Variants in NELL1 observed in about 807,000 individuals in gnomAD.
NELL1 encodes the protein neural EGFL like 1, also known as protein kinase C-binding protein NELL1.
Under a neutral mutation model 107.4 loss-of-function variants are expected in NELL1, and 76 were observed. The observed-to-expected ratio is 0.71, with a 90% CI of 0.59 to 0.86. The LOEUF is 0.86. Ranked by LOEUF, NELL1 falls within the 40% of genes least tolerant of loss-of-function variation. The pLI, the probability that NELL1 is intolerant of heterozygous loss-of-function variation, is 0.00. For synonymous variants in NELL1, 353 were observed against 341.2 expected (o/e 1.03, Z -0.38); for missense variants, 1,024 against 1,005.5 (o/e 1.02, Z -0.25).
chr11:21,474,918 A>G (rs1296476782), intron 15 of NELL1, among the ~76,000 whole-genome samples: 1 of 152,052 alleles, frequency 6.6e-6, no homozygotes, highest in African/African-American at 2.4e-5. Context: ...CTTCCTAGTT[A>G]TTTGACCAAG....
At chr11:21,202,223 C>T (rs1425320964) in intron 13 of NELL1, among the ~76,000 whole-genome samples, 1 of 152,150 alleles carries the variant, frequency 6.6e-6, no homozygotes, top group Non-Finnish European at 1.5e-5. Context: ...CTTTGTACCT[C>T]TGGTAGAATT....
intron 15 of NELL1, among the ~76,000 whole-genome samples, chr11:21,446,544 T>A (rs897095056): frequency 6.6e-6 from 1 of 152,210 alleles, no homozygotes; most frequent in Non-Finnish European, 1.5e-5. Context: ...TTTGTCAATG[T>A]AGCCATATCT....
At chr11:21,388,967 ATTTTT>A (rs1191594288) in intron 15 of NELL1, among the ~76,000 whole-genome samples, 1 of 151,722 alleles carries the variant, frequency 6.6e-6, no homozygotes, top group East Asian at 2.0e-4. Flanking sequence ...AGGAAAACTT[ATTTTT>A]AAGTCAAGTA....
intron 14 of NELL1, among the ~76,000 whole-genome samples, chr11:21,355,216 C>A (rs950377180): frequency 4.6e-5 from 7 of 152,184 alleles, no homozygotes; most frequent in Admixed American, 2.0e-4. Context: ...CAGTGCCCAA[C>A]AAGCTCTCAA....
chr11:21,282,835 T>C (rs1849028550), intron 14 of NELL1, among the ~76,000 whole-genome samples: 1 of 152,120 alleles, frequency 6.6e-6, no homozygotes. Context: ...TGGAGTACTA[T>C]TCAGCCATAA....
At chr11:21,018,431 A>G (rs908166410) in intron 12 of NELL1, among the ~76,000 whole-genome samples, 3 of 152,056 alleles carry the variant, frequency 2.0e-5, no homozygotes, top group Non-Finnish European at 4.4e-5. Context: ...GTGGGCACGA[A>G]GAGTGATCTG....
At chr11:21,024,543 T>G (rs1852772563) in intron 12 of NELL1, among the ~76,000 whole-genome samples, 1 of 152,104 alleles carries the variant, frequency 6.6e-6, no homozygotes, top group Non-Finnish European at 1.5e-5. Flanking sequence ...CTTAAAGGAT[T>G]ATTTTGAGGA....
chr11:21,054,376 A>C (rs1430415429), intron 12 of NELL1, among the ~76,000 whole-genome samples: 1 of 152,080 alleles, frequency 6.6e-6, no homozygotes, highest in East Asian at 1.9e-4. Context: ...CTAATGTTTA[A>C]TATTGTTTAA....
At chr11:21,382,123 A>G (rs1851628414) in intron 15 of NELL1, among the ~76,000 whole-genome samples, 1 of 151,724 alleles carries the variant, frequency 6.6e-6, no homozygotes, top group Non-Finnish European at 1.5e-5. Flanking sequence ...AAGAAAGGCA[A>G]ACATTCTAAT....
intron 5 of NELL1, among the ~76,000 whole-genome samples, chr11:20,904,897 T>C (rs1849959951): frequency 6.6e-6 from 1 of 152,014 alleles, no homozygotes; most frequent in Non-Finnish European, 1.5e-5. Flanking sequence ...GATATGATCA[T>C]GGCTCACTGC....
intron 12 of NELL1, among the ~76,000 whole-genome samples, chr11:21,108,794 C>CA (rs1565064415): frequency 6.6e-6 from 1 of 152,098 alleles, no homozygotes; most frequent in East Asian, 1.9e-4. Context: ...GCCAAGGAAG[C>CA]AGTGATGCAC....
chr11:20,861,444 C>A, intron 4 of NELL1, among the ~76,000 whole-genome samples: 1 of 152,172 alleles, frequency 6.6e-6, no homozygotes, highest in Non-Finnish European at 1.5e-5. Flanking sequence ...GCAGTACTCA[C>A]CTGCAAGCCT....
At chr11:20,914,443 T>A (rs116193990) in intron 5 of NELL1, among the ~76,000 whole-genome samples, 1 of 152,110 alleles carries the variant, frequency 6.6e-6, no homozygotes, top group Non-Finnish European at 1.5e-5. Flanking sequence ...TAGTAAAGAA[T>A]GTCTGGGTTC....
chr11:20,966,408 C>G (rs1469961546), intron 12 of NELL1, among the ~76,000 whole-genome samples: 1 of 152,078 alleles, frequency 6.6e-6, no homozygotes, highest in East Asian at 1.9e-4. Flanking sequence ...TTGGAGGGGA[C>G]AAACATTCAA....
intron 15 of NELL1, among the ~76,000 whole-genome samples, chr11:21,443,123 G>T (rs1254918157): frequency 1.3e-5 from 2 of 151,906 alleles, no homozygotes; most frequent in African/African-American, 4.8e-5. Context: ...TCCAGTGAGG[G>T]TTTTCTTGCT....
chr11:21,080,677 T>A (rs1216935137), intron 12 of NELL1, among the ~76,000 whole-genome samples: 1 of 152,128 alleles, frequency 6.6e-6, no homozygotes, highest in Non-Finnish European at 1.5e-5. Context: ...GGTACATGCA[T>A]ATGTTTATCT....
intron 13 of NELL1, among the ~76,000 whole-genome samples, chr11:21,178,707 T>G (rs1479774759): frequency 1.3e-5 from 2 of 150,286 alleles, no homozygotes; most frequent in Non-Finnish European, 2.9e-5. Flanking sequence ...AAGGTTGCAG[T>G]GAGCCGAGAC....
chr11:21,563,422 G>T (rs1476995041), intron 17 of NELL1, among the ~76,000 whole-genome samples: 1 of 151,996 alleles, frequency 6.6e-6, no homozygotes, highest in East Asian at 1.9e-4. Context: ...GTAGAGCTAT[G>T]AACAATTTGC....
At chr11:20,761,548 T>G (rs1355263252) in intron 2 of NELL1, among the ~76,000 whole-genome samples, 1 of 152,238 alleles carries the variant, frequency 6.6e-6, no homozygotes, top group East Asian at 1.9e-4. Flanking sequence ...CTCAGCTTAA[T>G]CTTAGATTTG....
Sources: gnomAD v4.1 joint callset for allele counts (sites outside exome capture counted in the v4.1 genomes callset) on GRCh38, gnomAD v4.1.1 for gene constraint, MANE v1.5 for transcripts, NCBI Gene and HGNC (gene_info 2026-07-23, HGNC 2026-07-21) for gene names.